The following CYRIA variants were observed in gnomAD, a reference collection of about 807,000 sequenced individuals.
The protein encoded by CYRIA is CYFIP related Rac1 interactor A.
CYRIA carries 15 observed loss-of-function variants against 43.9 expected under a neutral mutation model. The observed-to-expected ratio is 0.34, with a 90% CI of 0.23 to 0.53. The LOEUF (loss-of-function observed/expected upper bound fraction) is 0.53. Among genes scored for constraint, CYRIA ranks in the 20% least tolerant of loss-of-function variants. The pLI, the probability that CYRIA is intolerant of heterozygous loss-of-function variation, is 0.94. For synonymous variants in CYRIA, 117 were observed against 136.0 expected, an observed-to-expected ratio of 0.86 and a Z score of 0.97; for missense variants, 236 against 394.2, an observed-to-expected ratio of 0.60 and a Z score of 3.40.
At chr2:16,641,468 C>T (rs13431048) in intron 1 of CYRIA, among the ~76,000 whole-genome samples, 16,838 of 152,214 alleles carry the variant, frequency 0.11, 1,185 homozygotes, top group African/African-American at 0.18. Context: ...AATTTAAAGG[C>T]CACTTCAGCC....
intron 10 of CYRIA, among the ~76,000 whole-genome samples, chr2:16,555,891 T>C (rs928769472): frequency 2.0e-5 from 3 of 152,174 alleles, no homozygotes; most frequent in Non-Finnish European, 4.4e-5. Context: ...GCTAAATGCC[T>C]GAGTTTCCTT....
At chr2:16,648,646 A>G (rs1329683253) in intron 1 of CYRIA, among the ~76,000 whole-genome samples, 1 of 152,244 alleles carries the variant, frequency 6.6e-6, no homozygotes, top group Non-Finnish European at 1.5e-5. Flanking sequence ...TCTTAAATAG[A>G]CTTCAGAGAC....
Position 16,559,568 on chromosome 2 carries a change from A to T in CYRIA, c.729T>A (p.Phe243Leu). The T allele has an allele frequency of 2.5e-6, 4 of 1,612,892 alleles. No homozygotes were observed. The highest frequency in any genetic ancestry group is 3.4e-6 in the Non-Finnish European group (4 of 1,179,268). ...MLETPEYRSR[F>L]TSEETLMFCM... ...AGAACATCAGGGTCTCTTCACTCGTAAACCTACTTCTGTACTCCCTGCAAG... is the reference window on the plus strand; with the variant it reads ...AGAACATCAGGGTCTCTTCACTCGTTAACCTACTTCTGTACTCCCTGCAAG... The change falls in exon 10 of 12, where the codon TTT becomes TTA. Residue 243 changes from phenylalanine to leucine, a missense_variant. Transcript: ENST00000381323.
intron 1 of CYRIA, among the ~76,000 whole-genome samples, chr2:16,645,319 G>A (rs1669787868): frequency 6.7e-6 from 1 of 148,548 alleles, no homozygotes; most frequent in Admixed American, 6.6e-5. Flanking sequence ...TATGGCATTT[G>A]GAACCAGAAG....
chr2:16,637,542 C>T (rs1020113931), intron 1 of CYRIA, among the ~76,000 whole-genome samples: 13 of 152,266 alleles, frequency 8.5e-5, no homozygotes, highest in Non-Finnish European at 1.6e-4. Context: ...CCTCCAGAAC[C>T]GTGAGAAATG....
chr2:16,637,732 G>C (rs1333050106), intron 1 of CYRIA, among the ~76,000 whole-genome samples: 1 of 152,172 alleles, frequency 6.6e-6, no homozygotes, highest in African/African-American at 2.4e-5. Flanking sequence ...AAATACTTAT[G>C]CATATGATTT....
At chr2:16,570,775 C>T (rs1667102773) in intron 3 of CYRIA, among the ~76,000 whole-genome samples, 1 of 152,078 alleles carries the variant, frequency 6.6e-6, no homozygotes, top group African/African-American at 2.4e-5. Context: ...ACAGTCCCCA[C>T]CACACACACA....
In CYRIA at chr2:16,650,161, G is replaced by A. The variant is rs1669934943; in HGVS notation, c.-167+15619C>T. 6.6e-6 allele frequency among the ~76,000 whole-genome samples: 1 copy of A among 152,076 alleles called. No individual in the cohort carries two copies. ...TCGCCATCAGCCACTGAGATTTGGG[G>A]GTTATTTCTGACTGCAGCAAAAGTG... On this transcript the variant is annotated intron_variant, in intron 1 of 11. Coordinates refer to ENST00000381323, the MANE Select transcript of CYRIA (RefSeq NM_030797.4). The surrounding 1 kb of genome is among the most constrained non-coding windows in gnomAD (Gnocchi z 4.1).
chr2:16,616,296 C>T (rs1668788513), intron 2 of CYRIA, among the ~76,000 whole-genome samples: 1 of 152,214 alleles, frequency 6.6e-6, no homozygotes, highest in Admixed American at 6.5e-5. Flanking sequence ...GTAGAACTTA[C>T]TGCTCACACT....
intron 1 of CYRIA, among the ~76,000 whole-genome samples, chr2:16,631,539 A>G (rs190598939): frequency 8.3e-4 from 127 of 152,346 alleles, no homozygotes; most frequent in Non-Finnish European, 1.2e-3. Flanking sequence ...GGGCTGTAGA[A>G]AGAGCCTGGG....
At chr2:16,558,798 G>T (rs542893196) in intron 10 of CYRIA, among the ~76,000 whole-genome samples, 4 of 151,690 alleles carry the variant, frequency 2.6e-5, no homozygotes, top group African/African-American at 7.3e-5. Flanking sequence ...TCCTTGTCAA[G>T]AAATTGTCTG....
chr2:16,574,369 C>T (rs1478852683), intron 3 of CYRIA, among the ~76,000 whole-genome samples: 4 of 152,082 alleles, frequency 2.6e-5, no homozygotes, highest in Admixed American at 6.6e-5. Context: ...AGCCTGACAA[C>T]GTGATAGAAA....
At chr2:16,660,590 A>T (rs1270887384) in intron 1 of CYRIA, among the ~76,000 whole-genome samples, 1 of 152,230 alleles carries the variant, frequency 6.6e-6, no homozygotes, top group Non-Finnish European at 1.5e-5. Flanking sequence ...ACTGTATCCT[A>T]GCACAACACA....
In CYRIA at chr2:16,650,681, G is replaced by T. The variant is rs1429151597; in HGVS notation, c.-167+15099C>A. Among the ~76,000 whole-genome samples, 2 of 152,180 alleles carry T rather than the reference G, an allele frequency of 1.3e-5. No individual in the cohort carries two copies. Among genetic ancestry groups the T allele is most frequent in the African/African-American group, 4.8e-5 (2 of 41,448 alleles). On this transcript the variant is annotated intron_variant, in intron 1 of 11. Transcript: ENST00000381323. This position sits in a 1 kb window ranked among gnomAD's most constrained non-coding sequence, Gnocchi z 4.1. The stretch of plus-strand genomic sequence containing the variant: ...AGCTCAACAGACAAGCTCTGTAGTG[G>T]CTCTGTGACAAGTATCTCAGAATGC...
intron 2 of CYRIA, among the ~76,000 whole-genome samples, chr2:16,590,289 A>G (rs1312376264): frequency 6.6e-6 from 1 of 152,156 alleles, no homozygotes; most frequent in South Asian, 2.1e-4. Context: ...AGCATTCACT[A>G]TTCACTAACC....
intron 2 of CYRIA, among the ~76,000 whole-genome samples, chr2:16,613,288 T>C (rs1668667867): frequency 6.6e-6 from 1 of 152,236 alleles, no homozygotes; most frequent in African/African-American, 2.4e-5. Context: ...CGGGTAGTGC[T>C]GTCCCAGGGG....
intron 3 of CYRIA, among the ~76,000 whole-genome samples, chr2:16,580,233 T>C (rs1418974856): frequency 1.3e-5 from 2 of 152,090 alleles, no homozygotes; most frequent in East Asian, 3.8e-4. Context: ...TGAGCCACTG[T>C]GCTCAGCCTA....
chr2:16,657,235 C>T (rs1028386190), intron 1 of CYRIA, among the ~76,000 whole-genome samples: 1 of 152,170 alleles, frequency 6.6e-6, no homozygotes, highest in Non-Finnish European at 1.5e-5. Flanking sequence ...TTCTCACGCT[C>T]GGCTGAGGCT....
At chr2:16,622,942 C>G (rs1017638812) in intron 2 of CYRIA, 6 of 152,248 alleles carry the variant, frequency 3.9e-5, no homozygotes, top group African/African-American at 1.4e-4. Flanking sequence ...GTCTTACCTT[C>G]TGTCCTGTGC....
Sources: allele counts gnomAD v4.1 joint callset (sites outside exome capture counted in the v4.1 genomes callset), GRCh38; gene constraint gnomAD v4.1.1; non-coding constraint Gnocchi (gnomAD v3.1); transcripts MANE v1.5; gene names NCBI Gene and HGNC (gene_info 2026-07-23, HGNC 2026-07-21).